Variants in CADPS2 observed in about 807,000 individuals in gnomAD.
CADPS2 encodes calcium-dependent secretion activator 2.
Under a neutral mutation model 172.5 loss-of-function variants are expected in CADPS2, and 93 were observed. The ratio of observed to expected loss-of-function variants is 0.54; its 90% CI spans 0.46 to 0.64. CADPS2 has a LOEUF of 0.64. CADPS2 is among the 30% of genes least tolerant of loss of function. The pLI is 0.00. For synonymous variants in CADPS2, 546 were observed against 555.2 expected (o/e 0.98, Z 0.23); for missense variants, 1,420 against 1,565.9 (o/e 0.91, Z 1.57).
At chr7:122,334,188 A>G (rs1345411745) in intron 28 of CADPS2, among the ~76,000 whole-genome samples, 1 of 152,130 alleles carries the variant, frequency 6.6e-6, no homozygotes, top group Non-Finnish European at 1.5e-5. Flanking sequence ...ATATCTATGT[A>G]CATATATGAG....
intron 2 of CADPS2, among the ~76,000 whole-genome samples, chr7:122,670,150 A>AT (rs1219520169): frequency 6.6e-6 from 1 of 150,988 alleles, no homozygotes; most frequent in Non-Finnish European, 1.5e-5. Context: ...TCCCACTACC[A>AT]TTTTTTCTGA....
intron 4 of CADPS2, among the ~76,000 whole-genome samples, chr7:122,623,085 T>C (rs567855096): frequency 1.3e-5 from 2 of 152,152 alleles, no homozygotes; most frequent in Non-Finnish European, 2.9e-5. Flanking sequence ...AGATTAAATA[T>C]CTACATTAAA....
chr7:122,633,545 T>G (rs1311246455), intron 3 of CADPS2, among the ~76,000 whole-genome samples: 9 of 152,198 alleles, frequency 5.9e-5, no homozygotes, highest in Non-Finnish European at 1.3e-4. Context: ...TACTTTGATT[T>G]TGTGCTGTGA....
At chr7:122,700,420 C>G (rs1226938704) in intron 2 of CADPS2, among the ~76,000 whole-genome samples, 1 of 152,122 alleles carries the variant, frequency 6.6e-6, no homozygotes, top group Non-Finnish European at 1.5e-5. Context: ...GGTTGATTTT[C>G]TCTCCCAAAG....
chr7:122,554,370 T>C (rs2064742772), intron 8 of CADPS2, among the ~76,000 whole-genome samples, 180 bp downstream of exon 8: 1 of 152,164 alleles, frequency 6.6e-6, no homozygotes, highest in Admixed American at 6.6e-5. Context: ...GACTCATGTA[T>C]TGAGCTATAA....
At chr7:122,515,924 T>A (rs2060336159) in intron 8 of CADPS2, among the ~76,000 whole-genome samples, 2 of 151,086 alleles carry the variant, frequency 1.3e-5, no homozygotes, top group African/African-American at 4.9e-5. Flanking sequence ...TTAAAAAGTT[T>A]AAAAATATAT....
chr7:122,497,417 C>A (rs2058825726), intron 9 of CADPS2, among the ~76,000 whole-genome samples: 1 of 152,126 alleles, frequency 6.6e-6, no homozygotes, highest in South Asian at 2.1e-4. Context: ...TTAACAAAAT[C>A]TCCCTATTTC....
At chr7:122,878,963 T>G (rs1563237100) in intron 1 of CADPS2, among the ~76,000 whole-genome samples, 1 of 152,126 alleles carries the variant, frequency 6.6e-6, no homozygotes. Flanking sequence ...AGGCCGGGCA[T>G]CTTGACTCAC....
At chr7:122,833,055 A>G (rs1181284231) in intron 1 of CADPS2, among the ~76,000 whole-genome samples, 1 of 152,214 alleles carries the variant, frequency 6.6e-6, no homozygotes, top group African/African-American at 2.4e-5. Flanking sequence ...AGGAAAAAAG[A>G]TAGATTCACT....
chr7:122,757,016 T>C (rs553896122), intron 1 of CADPS2, among the ~76,000 whole-genome samples: 2 of 152,248 alleles, frequency 1.3e-5, no homozygotes, highest in East Asian at 3.9e-4. Flanking sequence ...ACGGACACCT[T>C]TGACAATGAT....
chr7:122,379,129 G>A (rs2042692768), intron 25 of CADPS2: 3 of 356,226 alleles, frequency 8.4e-6, no homozygotes, highest in East Asian at 5.6e-5. Context: ...AGAAGAGTTA[G>A]TTTTAAAATG....
chr7:122,786,878 A>T (rs1212660628), intron 1 of CADPS2, among the ~76,000 whole-genome samples: 1 of 152,124 alleles, frequency 6.6e-6, no homozygotes, highest in Admixed American at 6.5e-5. Context: ...CTTGTGACCC[A>T]TCCTCCCAGC....
chr7:122,484,412 C>A (rs1053181542), intron 11 of CADPS2, among the ~76,000 whole-genome samples: 2 of 152,028 alleles, frequency 1.3e-5, no homozygotes, highest in Admixed American at 1.3e-4. Context: ...GTACGATAAT[C>A]TCTTCAACTC....
chr7:122,806,297 TAA>T (rs1388806705), intron 1 of CADPS2, among the ~76,000 whole-genome samples: 1 of 152,206 alleles, frequency 6.6e-6, no homozygotes, highest in African/African-American at 2.4e-5. Flanking sequence ...TACAATGAAA[TAA>T]AAGTGTTTAG....
rs181600860 is a variant in CADPS2, at chr7:122,427,714, A to G, written c.2476+10627T>C. The stretch of plus-strand genomic sequence containing the variant: ...CATGGGCTTTGGTGATGGCTTTGTA[A>G]CTTGTCTTAGATAACACTTTTTTTT... On this transcript the variant is annotated intron_variant, in intron 17 of 29. Transcript: ENST00000449022. Among the ~76,000 whole-genome samples the G allele has an allele frequency of 1.6e-3, 249 of 152,084 alleles. 1 individual carries two copies. In the Middle Eastern group the frequency reaches 0.027, roughly 17 times the overall value.
At chr7:122,410,755 AAT>A (rs1412983362) in intron 19 of CADPS2, among the ~76,000 whole-genome samples, 1 of 152,364 alleles carries the variant, frequency 6.6e-6, no homozygotes, top group Non-Finnish European at 1.5e-5. Context: ...AGTAATTACA[AAT>A]ATGTGTTGAA....
At chr7:122,744,445 T>C (rs1367236434) in intron 1 of CADPS2, among the ~76,000 whole-genome samples, 2 of 152,160 alleles carry the variant, frequency 1.3e-5, no homozygotes, top group Admixed American at 1.3e-4. Context: ...CTATCGTGTG[T>C]TTTTTTGTAA....
chr7:122,550,039 A>G (rs1290010680), intron 8 of CADPS2, among the ~76,000 whole-genome samples: 1 of 152,068 alleles, frequency 6.6e-6, no homozygotes, highest in Admixed American at 6.6e-5. Context: ...TTATGAGGAA[A>G]TACAATGTCT....
chr7:122,426,100 G>C (rs2049143826), intron 17 of CADPS2: 1 of 152,236 alleles, frequency 6.6e-6, no homozygotes, highest in African/African-American at 2.4e-5. Context: ...AATTGAAGGA[G>C]AAGGAAAGAG....
Sources: allele counts gnomAD v4.1 joint callset (sites outside exome capture counted in the v4.1 genomes callset), GRCh38; gene constraint gnomAD v4.1.1; transcripts MANE v1.5; gene names NCBI Gene and HGNC (gene_info 2026-07-23, HGNC 2026-07-21).